The following DLGAP2 variants were observed in gnomAD, a reference collection of about 807,000 sequenced individuals.
DLGAP2 encodes DLG associated protein 2.
In DLGAP2, 26 loss-of-function variants were observed where a neutral mutation model predicts 100.3. That is an observed-to-expected ratio of 0.26 (90% CI 0.19 to 0.36). DLGAP2 has a LOEUF of 0.36. Ranked by LOEUF, DLGAP2 falls within the 10% of genes least tolerant of loss-of-function variation. The probability of loss-of-function intolerance (pLI) is 1.00; values close to 1 mark genes in which losing one functional copy is unlikely to be tolerated. For synonymous variants in DLGAP2, 886 were observed against 630.1 expected (o/e 1.41, Z -6.08); for missense variants, 1,858 against 1,453.2 (o/e 1.28, Z -4.53).
intron 4 of DLGAP2, among the ~76,000 whole-genome samples, chr8:1,529,275 A>G (rs952799950): frequency 5.9e-5 from 9 of 152,228 alleles, no homozygotes; most frequent in Admixed American, 1.3e-4. Context: ...TCATGAGAAC[A>G]GCATGGGGGA....
At chr8:1,326,370 G>A (rs1446071043) in intron 3 of DLGAP2, among the ~76,000 whole-genome samples, 2 of 152,214 alleles carry the variant, frequency 1.3e-5, no homozygotes, top group Non-Finnish European at 2.9e-5. Flanking sequence ...ACTTCACAGT[G>A]TACCACATTC....
At chr8:1,438,751 T>A (rs1400399074) in intron 3 of DLGAP2, among the ~76,000 whole-genome samples, 3 of 152,172 alleles carry the variant, frequency 2.0e-5, no homozygotes. Flanking sequence ...AACAACGAAA[T>A]TCTTAGAATG....
At position 1,628,194 on chromosome 8, in the gene DLGAP2, C is replaced by T. The variant is rs1342010338; in HGVS notation, c.1590+1307C>T. ...ACATTCTCTCTGACTTACTGTGGAG[C>T]AGGAATTAAGAGCCTGAGCTGACCT... On this transcript the variant is annotated intron_variant, in intron 7 of 14. Coordinates refer to ENST00000637795, the MANE Select transcript of DLGAP2 (RefSeq NM_001346810.2). 1.7e-5 allele frequency among the ~76,000 whole-genome samples: 2 copies of T among 118,796 alleles called. 1 individual carries two copies. The highest frequency in any genetic ancestry group is 8.1e-5 in the African/African-American group (2 of 24,748). 77.9% of individuals were successfully genotyped at this position (118,796 alleles called of 152,430 possible).
intron 2 of DLGAP2, among the ~76,000 whole-genome samples, chr8:1,071,514 A>G (rs1237805727): frequency 6.6e-6 from 1 of 152,156 alleles, no homozygotes; most frequent in African/African-American, 2.4e-5. Flanking sequence ...GCCAGACAGG[A>G]TCCAGATTTC....
At chr8:1,125,358 C>A (rs999709856) in intron 2 of DLGAP2, among the ~76,000 whole-genome samples, 1 of 152,100 alleles carries the variant, frequency 6.6e-6, no homozygotes. Flanking sequence ...GGATCTTGAT[C>A]AAATTTTTTT....
At chr8:1,323,111 C>A (rs373116093) in intron 3 of DLGAP2, among the ~76,000 whole-genome samples, 16 of 151,428 alleles carry the variant, frequency 1.1e-4, no homozygotes, top group African/African-American at 3.9e-4. Context: ...GTTCATGCAA[C>A]CTCCGCCTCC....
At chr8:1,193,884 C>T (rs918421423) in intron 2 of DLGAP2, among the ~76,000 whole-genome samples, 1 of 152,156 alleles carries the variant, frequency 6.6e-6, no homozygotes, top group Non-Finnish European at 1.5e-5. Context: ...CCGCGCCGCC[C>T]CCGCCTCCTG....
intron 13 of DLGAP2, among the ~76,000 whole-genome samples, chr8:1,694,272 T>A (rs970771862): frequency 2.6e-5 from 4 of 152,056 alleles, no homozygotes; most frequent in African/African-American, 4.8e-5. Flanking sequence ...AGAGGAGTGT[T>A]GACTTGTTAA....
At chr8:1,080,376 T>C (rs1803765327) in intron 2 of DLGAP2, among the ~76,000 whole-genome samples, 1 of 152,216 alleles carries the variant, frequency 6.6e-6, no homozygotes, top group South Asian at 2.1e-4. Context: ...TTTAGTGCCC[T>C]CACAGAGGTG....
At chr8:1,408,531 C>G (rs1563128353) in intron 3 of DLGAP2, among the ~76,000 whole-genome samples, 1 of 152,262 alleles carries the variant, frequency 6.6e-6, no homozygotes, top group African/African-American at 2.4e-5. Flanking sequence ...GGGTGCTGCT[C>G]TCCACTGGGA....
intron 3 of DLGAP2, among the ~76,000 whole-genome samples, chr8:1,474,031 T>A (rs1187682777): frequency 6.6e-6 from 1 of 152,172 alleles, no homozygotes; most frequent in Non-Finnish European, 1.5e-5. Flanking sequence ...TAGTCTTTTA[T>A]CCTTCACCCC....
chr8:1,411,607 G>T (rs2129882447), intron 3 of DLGAP2, among the ~76,000 whole-genome samples: 1 of 152,280 alleles, frequency 6.6e-6, no homozygotes. Context: ...AGACTTGAGG[G>T]CCTCGTGCTC....
At chr8:1,265,915 G>C (rs570330865) in intron 3 of DLGAP2, among the ~76,000 whole-genome samples, 1 of 152,294 alleles carries the variant, frequency 6.6e-6, no homozygotes, top group Non-Finnish European at 1.5e-5. Context: ...GATGACTCAG[G>C]TATTTTTATA....
At chr8:1,613,343 T>C in intron 6 of DLGAP2, among the ~76,000 whole-genome samples, 1 of 147,860 alleles carries the variant, frequency 6.8e-6, no homozygotes, top group Non-Finnish European at 1.5e-5. Flanking sequence ...ACTGAACAAT[T>C]AGAACACGTG....
intron 5 of DLGAP2, among the ~76,000 whole-genome samples, chr8:1,553,660 C>G (rs2130534087): frequency 6.6e-6 from 1 of 152,340 alleles, no homozygotes; most frequent in African/African-American, 2.4e-5. Context: ...TCTCCCTGCT[C>G]CCGCCCTCTG....
intron 3 of DLGAP2, among the ~76,000 whole-genome samples, chr8:1,448,859 T>G (rs974882214): frequency 6.6e-6 from 1 of 152,210 alleles, no homozygotes; most frequent in African/African-American, 2.4e-5. Context: ...TGGATTCTAA[T>G]GTTGATCCTG....
chr8:1,419,650 A>G (rs1797037036), intron 3 of DLGAP2, among the ~76,000 whole-genome samples: 1 of 152,194 alleles, frequency 6.6e-6, no homozygotes, highest in African/African-American at 2.4e-5. Flanking sequence ...GTGCAAATCA[A>G]AACCACACTG....
intron 1 of DLGAP2, among the ~76,000 whole-genome samples, chr8:752,291 C>T (rs1820811765): frequency 6.6e-6 from 1 of 152,202 alleles, no homozygotes; most frequent in African/African-American, 2.4e-5. Flanking sequence ...TGCCGGCTAC[C>T]ACCAGTGGGC....
At chr8:1,259,334 C>T (rs775071754) in intron 3 of DLGAP2, among the ~76,000 whole-genome samples, 2 of 152,148 alleles carry the variant, frequency 1.3e-5, no homozygotes, top group South Asian at 4.1e-4. Context: ...ATCAGTGTTG[C>T]TTATTTAACT....
Sources: gnomAD v4.1 joint callset for allele counts (sites outside exome capture counted in the v4.1 genomes callset) on GRCh38, gnomAD v4.1.1 for gene constraint, MANE v1.5 for transcripts, NCBI Gene and HGNC (gene_info 2026-07-23, HGNC 2026-07-21) for gene names.